Variants in RNF38 observed in about 807,000 individuals in gnomAD.
RNF38 encodes the protein ring finger protein 38.
In RNF38, 15 loss-of-function variants were observed where a neutral mutation model predicts 67.2. The observed-to-expected ratio is 0.22, with a 90% CI of 0.15 to 0.34. The LOEUF is 0.34. RNF38 is among the 10% of genes least tolerant of loss of function. RNF38 has a pLI of 1.00. For missense variants in RNF38, 524 were observed against 639.9 expected, an observed-to-expected ratio of 0.82 and a Z score of 1.95; for synonymous variants, 220 against 218.8, an observed-to-expected ratio of 1.01 and a Z score of -0.05.
chr9:36,397,702 G>A (rs1163571969), intron 1 of RNF38, among the ~76,000 whole-genome samples: 2 of 152,138 alleles, frequency 1.3e-5, no homozygotes, highest in African/African-American at 2.4e-5. Flanking sequence ...CAGATGCAAC[G>A]AAAGAAATCC....
chr9:36,383,482 G>A (rs903889489), intron 2 of RNF38, among the ~76,000 whole-genome samples: 5 of 152,110 alleles, frequency 3.3e-5, no homozygotes, highest in Admixed American at 2.6e-4. Context: ...GAGCCACCAC[G>A]GCCGGCCTAA....
At chr9:36,389,621 C>G (rs898795767) in intron 2 of RNF38, among the ~76,000 whole-genome samples, 4 of 152,180 alleles carry the variant, frequency 2.6e-5, no homozygotes, top group Admixed American at 6.5e-5. Context: ...AGAAGGAATA[C>G]CAGACTGAAG....
At chr9:36,430,816 T>C (rs1004765682) in intron 1 of RNF38, among the ~76,000 whole-genome samples, 5 of 151,086 alleles carry the variant, frequency 3.3e-5, no homozygotes, top group South Asian at 2.1e-4. Flanking sequence ...ACATTCCGAA[T>C]CCAAACAAAA....
chr9:36,336,434 C>T lies in RNF38; in HGVS notation c.*3318G>A, dbSNP rs1323054208. On this transcript the variant is annotated 3_prime_UTR_variant, in exon 12 of 12. Transcript: ENST00000259605. ...TACATCATACATTTATTACCAACAA[C>T]CCTCTCAACTCCAAAATTGGGCACA... 1 of 152,124 alleles carries T rather than the reference C, an allele frequency of 6.6e-6. No individual in the cohort carries two copies. The highest frequency in any genetic ancestry group is 1.5e-5 in the Non-Finnish European group (1 of 67,966). The allele number at this position is 152,124 out of a possible 1,614,324, so 9.4% of individuals were successfully genotyped here. A position where few individuals can be genotyped will look rare whatever the true frequency, so the allele number is the denominator to read the frequency against.
In RNF38 at chr9:36,466,654, T is replaced by TG. The variant is rs753029513; in HGVS notation, n.241+20653dup. Among the ~76,000 whole-genome samples the TG allele has an allele frequency of 5.3e-5, 8 of 152,086 alleles. No individual in the cohort carries two copies. In the South Asian group the frequency reaches 1.0e-3, roughly 20 times the overall value. On this transcript the variant is annotated intron_variant and non_coding_transcript_variant, in intron 1 of 3. Transcript: ENST00000488058. ...AAAGAGACCCAACATTATTATAAAG[T>TG]GGGAAAAAAGCAAGTTTCAGAACAA...
intron 1 of RNF38, among the ~76,000 whole-genome samples, chr9:36,396,247 T>C (rs1423543826): frequency 6.6e-6 from 1 of 152,234 alleles, no homozygotes; most frequent in Non-Finnish European, 1.5e-5. Flanking sequence ...AGAAATCTGG[T>C]TGGCAATGAG....
At position 36,339,879 on chromosome 9, in the gene RNF38, T is replaced by C. The variant is rs952748658; in HGVS notation, c.1486-65A>G. On this transcript the variant is annotated intron_variant, in intron 11 of 11. Coordinates refer to ENST00000259605, the MANE Select transcript of RNF38 (RefSeq NM_022781.5). ...ATACAATGAAACACATTCAAAGCAA[T>C]GGAACTACTTTTACTTCCCACAGTT... The C allele has an allele frequency of 1.3e-5, 17 of 1,266,998 alleles. No individual in the cohort carries two copies. The African/African-American group carries it at 2.1e-4, about 15-fold the overall frequency. The allele number at this position is 1,266,998 out of a possible 1,614,324, so 78.5% of individuals were successfully genotyped here.
chr9:36,359,550 C>T (rs2183266), intron 4 of RNF38, among the ~76,000 whole-genome samples: 148,941 of 152,202 alleles, frequency 0.98, 72,941 homozygotes, highest in East Asian at 1. Flanking sequence ...GCTGCTTTAA[C>T]TACAGTATCT....
intron 1 of RNF38, among the ~76,000 whole-genome samples, chr9:36,475,365 TTGTG>T (rs963041519): frequency 9.9e-5 from 15 of 151,836 alleles, no homozygotes; most frequent in East Asian, 3.9e-4. Context: ...CATTATCTTT[TTGTG>T]TGTGTGTAAG....
chr9:36,387,477 T>C (rs925437696), intron 2 of RNF38, among the ~76,000 whole-genome samples: 4 of 152,326 alleles, frequency 2.6e-5, no homozygotes, highest in South Asian at 2.1e-4. Flanking sequence ...AATCCACTGA[T>C]AGTAAAGACA....
upstream of RNF38, among the ~76,000 whole-genome samples, chr9:36,403,969 T>C (rs1337538972): frequency 1.3e-5 from 2 of 152,268 alleles, no homozygotes; most frequent in Non-Finnish European, 2.9e-5. Flanking sequence ...TTATAGTTAA[T>C]GGTTTCAGGT....
intron 1 of RNF38, among the ~76,000 whole-genome samples, chr9:36,436,072 T>C (rs531946309): frequency 6.6e-6 from 1 of 152,374 alleles, no homozygotes; most frequent in South Asian, 2.1e-4. Flanking sequence ...TTAAGCTTCC[T>C]ATATGAGGCT....
upstream of RNF38, chr9:36,400,790 G>C (rs1837959404): frequency 1.0e-6 from 1 of 985,538 alleles, no homozygotes; most frequent in East Asian, 1.1e-4. Context: ...AGATGACAGA[G>C]TCGCCTAACG....
intron 1 of RNF38, among the ~76,000 whole-genome samples, chr9:36,441,227 A>C (rs1839184587): frequency 6.6e-6 from 1 of 152,336 alleles, no homozygotes; most frequent in South Asian, 2.1e-4. Context: ...TTAGCTATTT[A>C]TATGCAACAA....
chr9:36,468,607 T>C (rs956434933), intron 1 of RNF38, among the ~76,000 whole-genome samples: 1 of 151,670 alleles, frequency 6.6e-6, no homozygotes, highest in African/African-American at 2.4e-5. Flanking sequence ...AGGTTAGGAG[T>C]TTGACACCAG....
At chr9:36,479,616 G>C (rs1840201569) in intron 1 of RNF38, among the ~76,000 whole-genome samples, 1 of 152,136 alleles carries the variant, frequency 6.6e-6, no homozygotes, top group Non-Finnish European at 1.5e-5. Flanking sequence ...GACCTTAAGT[G>C]AGGAAGTTTT....
intron 1 of RNF38, among the ~76,000 whole-genome samples, chr9:36,447,529 T>C (rs1839335629): frequency 6.6e-6 from 1 of 152,162 alleles, no homozygotes; most frequent in African/African-American, 2.4e-5. Flanking sequence ...GCCCTAAATG[T>C]GTAGGCATCT....
chr9:36,454,823 A>G (rs1369631369), intron 1 of RNF38, among the ~76,000 whole-genome samples: 1 of 151,752 alleles, frequency 6.6e-6, no homozygotes, highest in African/African-American at 2.4e-5. Context: ...ACCTTAAATG[A>G]TCCACCCGCC....
At chr9:36,382,060 G>C (rs1460094194) in intron 2 of RNF38, among the ~76,000 whole-genome samples, 1 of 152,194 alleles carries the variant, frequency 6.6e-6, no homozygotes, top group Non-Finnish European at 1.5e-5. Context: ...TATTATCCCA[G>C]GTGATGATGC....
Sources: gnomAD v4.1 joint callset for allele counts (sites outside exome capture counted in the v4.1 genomes callset) on GRCh38, gnomAD v4.1.1 for gene constraint, MANE v1.5 for transcripts, NCBI Gene and HGNC (gene_info 2026-07-23, HGNC 2026-07-21) for gene names.